PDZRN4: variants seen among roughly 807,000 people sequenced by gnomAD.
The protein encoded by PDZRN4 is PDZ domain containing ring finger 4.
PDZRN4 carries 70 observed loss-of-function variants against 99.0 expected under a neutral mutation model. That is an observed-to-expected ratio of 0.71 (90% confidence interval 0.58 to 0.86). The LOEUF is 0.86. Among genes scored for constraint, PDZRN4 ranks in the 40% least tolerant of loss-of-function variants. The pLI, the probability that PDZRN4 is intolerant of heterozygous loss-of-function variation, is 0.00. For missense variants in PDZRN4, 1,474 were observed against 1,331.2 expected (o/e 1.11, Z -1.67); for synonymous variants, 551 against 501.6 (o/e 1.10, Z -1.32).
intron 3 of PDZRN4, among the ~76,000 whole-genome samples, chr12:41,419,403 G>A (rs1333721962): frequency 6.6e-6 from 1 of 152,146 alleles, no homozygotes; most frequent in African/African-American, 2.4e-5. Context: ...ACAGACCCAA[G>A]TGCCCCTCAG....
chr12:41,203,287 A>T (rs1950828958), intron 3 of PDZRN4, among the ~76,000 whole-genome samples: 2 of 152,056 alleles, frequency 1.3e-5, no homozygotes, highest in South Asian at 4.1e-4. Flanking sequence ...TAGAATCGCT[A>T]CCAAGAAGAC....
intron 3 of PDZRN4, among the ~76,000 whole-genome samples, chr12:41,467,983 T>C (rs1952945051): frequency 6.6e-6 from 1 of 152,152 alleles, no homozygotes; most frequent in Non-Finnish European, 1.5e-5. Context: ...AACAAACAAG[T>C]ATTGAACACC....
chr12:41,268,870 TA>T (rs1439458262), intron 3 of PDZRN4, among the ~76,000 whole-genome samples: 1 of 152,146 alleles, frequency 6.6e-6, no homozygotes, highest in African/African-American at 2.4e-5. Context: ...CATTGAAGGA[TA>T]AAAACATGGA....
At chr12:41,497,120 T>A (rs1938020679) in intron 3 of PDZRN4, among the ~76,000 whole-genome samples, 1 of 152,120 alleles carries the variant, frequency 6.6e-6, no homozygotes, top group African/African-American at 2.4e-5. Context: ...GATTTCTACA[T>A]CCTTTTGTGC....
At chr12:41,522,377 C>A (rs1938506282) in intron 5 of PDZRN4, among the ~76,000 whole-genome samples, 1 of 152,096 alleles carries the variant, frequency 6.6e-6, no homozygotes, top group South Asian at 2.1e-4. Context: ...TCTGGGTTAA[C>A]TTGAAGGTCT....
intron 3 of PDZRN4, among the ~76,000 whole-genome samples, chr12:41,452,116 CA>C (rs34095768): frequency 0.42 from 59,484 of 142,648 alleles, 12,068 homozygotes; most frequent in African/African-American, 0.52. Flanking sequence ...GAATAAGAGA[CA>C]AAAAAAAAAA....
At chr12:41,296,434 ACTT>A (rs1464477446) in intron 3 of PDZRN4, among the ~76,000 whole-genome samples, 2 of 152,134 alleles carry the variant, frequency 1.3e-5, no homozygotes, top group East Asian at 1.9e-4. Flanking sequence ...AAGAACAGTA[ACTT>A]CTTCTTATTA....
chr12:41,309,019 G>T (rs1951588755), intron 3 of PDZRN4, among the ~76,000 whole-genome samples: 1 of 151,978 alleles, frequency 6.6e-6, no homozygotes, highest in South Asian at 2.1e-4. Context: ...ATAACTTCCA[G>T]AAGGATTAAA....
chr12:41,300,672 A>G (rs1157323784), intron 3 of PDZRN4, among the ~76,000 whole-genome samples: 2 of 151,948 alleles, frequency 1.3e-5, no homozygotes, highest in Non-Finnish European at 2.9e-5. Context: ...TGTTCTCCCT[A>G]TTATATCCAT....
At chr12:41,314,850 T>A (rs1951628638) in intron 3 of PDZRN4, among the ~76,000 whole-genome samples, 1 of 152,106 alleles carries the variant, frequency 6.6e-6, no homozygotes, top group Admixed American at 6.6e-5. Flanking sequence ...AGTTTCCCTA[T>A]GGTACATGTC....
chr12:41,264,314 T>C (rs1339202061), intron 3 of PDZRN4, among the ~76,000 whole-genome samples: 1 of 152,222 alleles, frequency 6.6e-6, no homozygotes, highest in Non-Finnish European at 1.5e-5. Context: ...CATTGTTTTT[T>C]AAAATCATTA....
At chr12:41,547,428 C>T (rs1259429043) in intron 5 of PDZRN4, among the ~76,000 whole-genome samples, 3 of 152,098 alleles carry the variant, frequency 2.0e-5, no homozygotes, top group Non-Finnish European at 4.4e-5. Context: ...GAGTTTGAGA[C>T]CAACCTGGCC....
intron 3 of PDZRN4, among the ~76,000 whole-genome samples, chr12:41,499,577 G>A: frequency 6.6e-6 from 1 of 151,914 alleles, no homozygotes; most frequent in East Asian, 1.9e-4. Flanking sequence ...AAATACAGAA[G>A]GAGGGATACA....
At position 41,415,159 on chromosome 12, in the gene PDZRN4, G is replaced by T. The variant is rs528907053; in HGVS notation, c.844-91297G>T. On this transcript the variant is annotated intron_variant, in intron 3 of 9. Transcript: ENST00000402685. ...TTGAGATGAGCCATAGAGAACTTGT[G>T]GAAAGTGTTGGAAGGGGGCAGGATA... 5.3e-5 allele frequency among the ~76,000 whole-genome samples: 8 copies of T among 152,120 alleles called. No homozygotes were observed. The South Asian group carries it at 1.7e-3, about 32-fold the overall frequency.
chr12:41,432,201 C>G (rs1273305394), intron 3 of PDZRN4, among the ~76,000 whole-genome samples: 1 of 152,164 alleles, frequency 6.6e-6, no homozygotes, highest in African/African-American at 2.4e-5. Context: ...CACATAAATA[C>G]ACAACTGACA....
At chr12:41,415,684 C>T (rs1565577174) in intron 3 of PDZRN4, among the ~76,000 whole-genome samples, 1 of 152,086 alleles carries the variant, frequency 6.6e-6, no homozygotes, top group Non-Finnish European at 1.5e-5. Context: ...GTAGATAAAA[C>T]ATAATTATTT....
chr12:41,455,868 C>G (rs1189074077), intron 3 of PDZRN4, among the ~76,000 whole-genome samples: 1 of 152,218 alleles, frequency 6.6e-6, no homozygotes, highest in Non-Finnish European at 1.5e-5. Flanking sequence ...AGGCCATTCT[C>G]TCACTGTAAA....
At chr12:41,224,072 C>T (rs1950976691) in intron 3 of PDZRN4, among the ~76,000 whole-genome samples, 2 of 152,326 alleles carry the variant, frequency 1.3e-5, no homozygotes, top group South Asian at 4.1e-4. Context: ...GCAGCTTGCC[C>T]TTGAGGCCTG....
Position 41,331,237 on chromosome 12 carries a change from T to A in PDZRN4, c.843+137049T>A, listed in dbSNP as rs553181594. On this transcript the variant is annotated intron_variant, in intron 3 of 9. Coordinates refer to ENST00000402685, the MANE Select transcript of PDZRN4 (RefSeq NM_001164595.2). ...TTGGATAATATTTCACTTATTCTAC[T>A]GCATTAAGACCTGTCTTATGGTTTT... Among the ~76,000 whole-genome samples the A allele has an allele frequency of 2.6e-5, 4 of 152,274 alleles. No individual in the cohort carries two copies. The East Asian group carries it at 7.7e-4, about 29-fold the overall frequency.
Sources: allele counts gnomAD v4.1 joint callset (sites outside exome capture counted in the v4.1 genomes callset), GRCh38; gene constraint gnomAD v4.1.1; transcripts MANE v1.5; gene names NCBI Gene and HGNC (gene_info 2026-07-23, HGNC 2026-07-21).